Variants in CTXND1 observed in about 807,000 individuals in gnomAD.
CTXND1 encodes cortexin domain-containing 1 protein.
intron 1 of CTXND1, among the ~76,000 whole-genome samples, chr15:80,221,002 G>A (rs1383069129): frequency 1.3e-5 from 2 of 151,262 alleles, no homozygotes; most frequent in Non-Finnish European, 1.5e-5. Context: ...TCCGCCTCCC[G>A]GGTTCACGCC....
chr15:80,204,382 T>C lies in CTXND1; in HGVS notation c.-217-642A>G, dbSNP rs142785277. On this transcript the variant is annotated intron_variant, in intron 1 of 2. Transcript: ENST00000560778. ...GTGGTGCAGCCATTGCTGCCATCCA[T>C]CTCCAGAACTCTTCATCTTGCAAAA... Among the ~76,000 whole-genome samples the C allele has an allele frequency of 1.3e-3, 193 of 150,638 alleles. 1 individual carries two copies. Among genetic ancestry groups the C allele is most frequent in the African/African-American group, 4.3e-3 (179 of 41,236 alleles).
intron 2 of CTXND1, 113 bp downstream of exon 2, chr15:80,203,460 CTTCAGGAAGATACCTG>C (rs1893109686): frequency 1.3e-5 from 2 of 152,254 alleles, no homozygotes; most frequent in African/African-American, 4.8e-5. Flanking sequence ...CACTCTGGAG[CTTCAGGAAGATACCTG>C]TGTGTGCAAG....
intron 1 of CTXND1, among the ~76,000 whole-genome samples, chr15:80,238,064 A>G (rs541938922): frequency 2.0e-5 from 3 of 152,104 alleles, no homozygotes; most frequent in African/African-American, 7.2e-5. Context: ...GCAAAACACT[A>G]TAGTAAGCTG....
intron 1 of CTXND1, among the ~76,000 whole-genome samples, chr15:80,239,726 C>A (rs1385750501): frequency 6.6e-6 from 1 of 152,150 alleles, no homozygotes; most frequent in African/African-American, 2.4e-5. Context: ...CTAATACAAT[C>A]ACCAACTCGC....
chr15:80,223,140 G>A (rs962506482), intron 1 of CTXND1, among the ~76,000 whole-genome samples: 15 of 152,088 alleles, frequency 9.9e-5, no homozygotes, highest in Middle Eastern at 3.4e-3. Context: ...ATCCAATGGC[G>A]CGCTCTCGGC....
chr15:80,245,664 T>C (rs1567136227), intron 1 of CTXND1, among the ~76,000 whole-genome samples: 1 of 152,178 alleles, frequency 6.6e-6, no homozygotes, highest in Non-Finnish European at 1.5e-5. Context: ...TACCTCTTTG[T>C]GGATTGATTA....
At chr15:80,243,096 C>T (rs1893589096) in intron 1 of CTXND1, among the ~76,000 whole-genome samples, 1 of 152,172 alleles carries the variant, frequency 6.6e-6, no homozygotes, top group Admixed American at 6.5e-5. Flanking sequence ...GGAAGGAAGC[C>T]GTGCCAAGTG....
rs957192462 is a variant in CTXND1, at chr15:80,200,990, G to A, written c.*780C>T. 5 of 152,068 alleles carry A rather than the reference G, an allele frequency of 3.3e-5. No homozygotes were observed. The highest frequency in any genetic ancestry group is 7.3e-5 in the African/African-American group (3 of 41,376). The allele number at this position is 152,068 out of a possible 1,614,324, so 9.4% of individuals were successfully genotyped here. A position where few individuals can be genotyped will look rare whatever the true frequency, so the allele number is the denominator to read the frequency against. On this transcript the variant is annotated 3_prime_UTR_variant, in exon 3 of 3. Transcript: ENST00000560778. ...AAGTATTCCTGCTATCATATGAGGC[G>A]ATACAACATCATGCACAGAGTATGA...
At chr15:80,227,075 C>G (rs371444163) in intron 1 of CTXND1, among the ~76,000 whole-genome samples, 1 of 152,110 alleles carries the variant, frequency 6.6e-6, no homozygotes, top group Non-Finnish European at 1.5e-5. Context: ...AGATGCTGTT[C>G]AAAATTTATT....
chr15:80,229,243 AC>A (rs1195398256), intron 1 of CTXND1, among the ~76,000 whole-genome samples: 8 of 152,046 alleles, frequency 5.3e-5, no homozygotes, highest in African/African-American at 1.9e-4. Context: ...GCTGGAAGGG[AC>A]AGGTTTCAGG....
chr15:80,232,947 T>TTC (rs1023602705), intron 1 of CTXND1, among the ~76,000 whole-genome samples: 1 of 149,800 alleles, frequency 6.7e-6, no homozygotes, highest in African/African-American at 2.5e-5. Flanking sequence ...CTTCCTTTTT[T>TTC]TTTTTTTTTT....
chr15:80,209,221 T>C (rs1475378299), intron 1 of CTXND1, among the ~76,000 whole-genome samples: 2 of 152,228 alleles, frequency 1.3e-5, no homozygotes, highest in African/African-American at 2.4e-5. Flanking sequence ...CCAGATTTGC[T>C]TTTCTGCCTT....
intron 1 of CTXND1, among the ~76,000 whole-genome samples, chr15:80,239,729 C>G (rs754553372): frequency 6.6e-5 from 10 of 152,102 alleles, no homozygotes; most frequent in Admixed American, 1.3e-4. Flanking sequence ...ATACAATCAC[C>G]AACTCGCTAC....
intron 1 of CTXND1, among the ~76,000 whole-genome samples, chr15:80,246,697 G>C (rs1893634520): frequency 6.6e-6 from 1 of 152,238 alleles, no homozygotes; most frequent in Non-Finnish European, 1.5e-5. Context: ...CCCAAGCTGG[G>C]TCAGTGATTC....
At chr15:80,214,461 T>A (rs944476145) in intron 1 of CTXND1, among the ~76,000 whole-genome samples, 2 of 152,170 alleles carry the variant, frequency 1.3e-5, no homozygotes, top group East Asian at 3.8e-4. Context: ...GCAGACTGCA[T>A]TTTTGACCAC....
In CTXND1 at chr15:80,239,895, C is replaced by A. The variant is rs1422408473; in HGVS notation, c.-218+12112G>T. ...AAATTAAGTCTTTTTTATTATTGAT[C>A]ATTTGCTGTTATTTTCTCATCCCAA... is the stretch of plus-strand genomic sequence containing the variant. On this transcript the variant is annotated intron_variant, in intron 1 of 2. Transcript: ENST00000560778. Among the ~76,000 whole-genome samples, 3 of 152,262 alleles carry A rather than the reference C, an allele frequency of 2.0e-5. No homozygotes were observed. In the South Asian group the frequency reaches 6.2e-4, roughly 32 times the overall value.
chr15:80,240,126 C>G (rs1358100491), intron 1 of CTXND1, among the ~76,000 whole-genome samples: 2 of 152,118 alleles, frequency 1.3e-5, no homozygotes, highest in Non-Finnish European at 2.9e-5. Flanking sequence ...CCAACACGCT[C>G]GGCTAATTTT....
intron 1 of CTXND1, among the ~76,000 whole-genome samples, chr15:80,221,110 C>T (rs1358868032): frequency 2.0e-5 from 3 of 151,954 alleles, no homozygotes; most frequent in African/African-American, 2.4e-5. Flanking sequence ...GGGGTTTCAC[C>T]ATGTTAGCCA....
intron 1 of CTXND1, among the ~76,000 whole-genome samples, chr15:80,237,517 T>C (rs1345095567): frequency 2.0e-5 from 3 of 152,132 alleles, no homozygotes; most frequent in Non-Finnish European, 4.4e-5. Context: ...GACAGATATA[T>C]TGATGCTCTT....
Sources: allele counts gnomAD v4.1 joint callset (sites outside exome capture counted in the v4.1 genomes callset), GRCh38; gene constraint gnomAD v4.1.1; transcripts MANE v1.5; gene names NCBI Gene and HGNC (gene_info 2026-07-23, HGNC 2026-07-21).